P4HA3: variants seen among roughly 807,000 people sequenced by gnomAD.
P4HA3 encodes the protein prolyl 4-hydroxylase subunit alpha 3.
Under a neutral mutation model 66.7 loss-of-function variants are expected in P4HA3, and 60 were observed. That is an observed-to-expected ratio of 0.90 (90% CI 0.73 to 1.12). The LOEUF is 1.12. Ranked by LOEUF, P4HA3 falls within the 50% of genes most tolerant of loss-of-function variation. The pLI is 0.00. For synonymous variants in P4HA3, 263 were observed against 274.6 expected (o/e 0.96, Z 0.42); for missense variants, 683 against 685.8 (o/e 1.00, Z 0.05).
intron 7 of P4HA3, 77 bp from the exon 8 acceptor site, chr11:74,279,529 T>G: frequency 1.4e-6 from 2 of 1,400,080 alleles, no homozygotes; most frequent in Non-Finnish European, 2.0e-6. Context: ...ACAGACATAT[T>G]TCTCTCTTAA....
intron 4 of P4HA3, among the ~76,000 whole-genome samples, chr11:74,290,832 G>A (rs1860994882): frequency 6.6e-6 from 1 of 152,226 alleles, no homozygotes; most frequent in African/African-American, 2.4e-5. Flanking sequence ...GTAACAGGCT[G>A]TTTTGGTTAC....
At chr11:74,306,858 G>T (rs550666163) in intron 1 of P4HA3, among the ~76,000 whole-genome samples, 1 of 152,318 alleles carries the variant, frequency 6.6e-6, no homozygotes, top group Non-Finnish European at 1.5e-5. Context: ...AAGTCCCAGG[G>T]TGTCTCTGAT....
At chr11:74,294,185 G>A (rs772607116) in intron 4 of P4HA3, among the ~76,000 whole-genome samples, 16 of 152,032 alleles carry the variant, frequency 1.1e-4, no homozygotes, top group South Asian at 2.1e-4. Flanking sequence ...TCCTCGCTTC[G>A]TTTCATTCAT....
intron 4 of P4HA3, among the ~76,000 whole-genome samples, chr11:74,293,256 C>T (rs544002459): frequency 0.027 from 4,050 of 152,112 alleles, 151 homozygotes; most frequent in African/African-American, 0.088. Context: ...TTATCCGAGA[C>T]TAGGATTGCA....
At position 74,269,739 on chromosome 11, in the gene P4HA3, A is replaced by G; in HGVS notation, c.1399-19T>C. ...AGCTCAGCTACAAGACCAGAGGAAG[A>G]AGCCAGAGTTAAAACTGCCACCGAC... On this transcript the variant is annotated intron_variant, in intron 10 of 12. Coordinates refer to ENST00000331597, the MANE Select transcript of P4HA3 (RefSeq NM_182904.5). 1 of 1,613,368 alleles carries G rather than the reference A, an allele frequency of 6.2e-7. No homozygotes were observed.
Position 74,311,625 on chromosome 11 carries a change from G to T in P4HA3, c.-14C>A. The T allele has an allele frequency of 6.7e-7, 1 of 1,487,072 alleles. No homozygotes were observed. The highest frequency in any genetic ancestry group is 8.9e-7 in the Non-Finnish European group (1 of 1,129,820). The allele number at this position is 1,487,072 out of a possible 1,614,324, so 92.1% of individuals were successfully genotyped here. A position where few individuals can be genotyped will look rare whatever the true frequency, so the allele number is the denominator to read the frequency against. Reference sequence around the variant, plus strand: ...CCCAGGACCCATAGCCAGCGCTCGCGAACTTCCCCTCAGACAGTCCTGGCC... The same window carrying T: ...CCCAGGACCCATAGCCAGCGCTCGCTAACTTCCCCTCAGACAGTCCTGGCC... On this transcript the variant is annotated 5_prime_UTR_variant, in exon 1 of 13. Transcript: ENST00000331597.
intron 1 of P4HA3, 174 bp downstream of exon 1, chr11:74,311,238 A>C: frequency 2.7e-6 from 2 of 748,702 alleles, no homozygotes; most frequent in Non-Finnish European, 4.0e-6. Context: ...TGGCCCTCAG[A>C]GCCACTCCCC....
intron 15 of P4HA3, among the ~76,000 whole-genome samples, chr11:74,252,045 T>C (rs79823673): frequency 0.03 from 4,607 of 151,670 alleles, 220 homozygotes; most frequent in African/African-American, 0.1. Context: ...CTAGAGAAGT[T>C]TTCTTTGGCT....
At chr11:74,253,027 TC>T (rs1340803956) in intron 15 of P4HA3, among the ~76,000 whole-genome samples, 1 of 152,118 alleles carries the variant, frequency 6.6e-6, no homozygotes, top group African/African-American at 2.4e-5. Context: ...GGAAACTTGT[TC>T]CCCACTCTCA....
At chr11:74,290,762 C>A (rs909697381) in intron 4 of P4HA3, among the ~76,000 whole-genome samples, 1 of 152,036 alleles carries the variant, frequency 6.6e-6, no homozygotes, top group African/African-American at 2.4e-5. Flanking sequence ...TGTAGATATG[C>A]GGCATTATTT....
intron 4 of P4HA3, among the ~76,000 whole-genome samples, chr11:74,290,203 A>G (rs1400184695): frequency 5.1e-4 from 78 of 152,232 alleles, no homozygotes; most frequent in Admixed American, 5.0e-3. Flanking sequence ...AGTGACGATG[A>G]GCATTTTTTC....
intron 15 of P4HA3, among the ~76,000 whole-genome samples, chr11:74,255,560 C>G (rs893004525): frequency 6.6e-6 from 1 of 152,194 alleles, no homozygotes; most frequent in Non-Finnish European, 1.5e-5. Context: ...ATAAACCGTA[C>G]CTACCCCACA....
intron 4 of P4HA3, among the ~76,000 whole-genome samples, chr11:74,293,199 A>T (rs1411805197): frequency 3.3e-5 from 5 of 151,932 alleles, no homozygotes; most frequent in Non-Finnish European, 7.4e-5. Flanking sequence ...ACCATTATGT[A>T]ATGGCCTTCT....
intron 15 of P4HA3, chr11:74,253,827 C>CT (rs1399499875): frequency 5.9e-6 from 3 of 505,616 alleles, no homozygotes; most frequent in Non-Finnish European, 1.1e-5. Flanking sequence ...CTGAGCCCCT[C>CT]TTCCTAGCAT....
At chr11:74,301,967 C>T (rs1306947828) in intron 3 of P4HA3, among the ~76,000 whole-genome samples, 2 of 152,114 alleles carry the variant, frequency 1.3e-5, no homozygotes, top group Admixed American at 6.5e-5. Flanking sequence ...CCCTGCTTTC[C>T]CTTTCTACCC....
rs745676808 is a variant in P4HA3 at position 74,277,062 on chromosome 11, G to A, written c.1258C>T (p.Pro420Ser). The change falls in exon 9 of 13, where the codon CCT becomes TCT. Residue 420 changes from proline to serine, a missense_variant. Coordinates refer to ENST00000331597, the MANE Select transcript of P4HA3 (RefSeq NM_182904.5). Reference protein sequence around the residue: ...IAALTGLDVRPPYAEYLQVVN... With the variant: ...IAALTGLDVRSPYAEYLQVVN... Reference sequence around the variant, plus strand: ...ACCTGCAGATACTCTGCATAGGGAGGCCGGACATCAAGGCCTGTGAGGGCA... The same window carrying A: ...ACCTGCAGATACTCTGCATAGGGAGACCGGACATCAAGGCCTGTGAGGGCA... 6.2e-7 allele frequency: 1 copy of A among 1,614,098 alleles called. No individual in the cohort carries two copies. Among genetic ancestry groups the A allele is most frequent in the Non-Finnish European group, 8.5e-7 (1 of 1,180,006 alleles).
At chr11:74,279,350 G>A in intron 8 of P4HA3, 38 bp downstream of exon 8, 1 of 1,586,886 alleles carries the variant, frequency 6.3e-7, no homozygotes, top group South Asian at 1.1e-5. Flanking sequence ...CGGCCCGAGG[G>A]TGGGCAGCAG....
chr11:74,268,215 C>G lies in P4HA3; in HGVS notation c.1494G>C (p.Leu498=), dbSNP rs908174242. 6.2e-7 allele frequency: 1 copy of G among 1,613,900 alleles called. No homozygotes were observed. The highest frequency in any genetic ancestry group is 8.5e-7 in the Non-Finnish European group (1 of 1,179,966). ...CACTGTCCCCTTCACCACTCCTGTG[C>G]AGGTTCCACCAAAACAGTGCTGCAT... ...VRNAALFWWN[L]HRSGEGDSDT... The change falls in exon 12 of 13, where the codon CTG becomes CTC. Residue 498 remains leucine (L), a synonymous_variant. Transcript: ENST00000331597.
intron 12 of P4HA3, among the ~76,000 whole-genome samples, chr11:74,267,851 G>A (rs1426503246): frequency 6.6e-6 from 1 of 152,174 alleles, no homozygotes; most frequent in Non-Finnish European, 1.5e-5. Flanking sequence ...TCTTTCCTTG[G>A]GGTAGAGTGT....
Sources: allele counts gnomAD v4.1 joint callset (sites outside exome capture counted in the v4.1 genomes callset), GRCh38; gene constraint gnomAD v4.1.1; transcripts MANE v1.5; gene names NCBI Gene and HGNC (gene_info 2026-07-23, HGNC 2026-07-21).